ADGRA2: variants seen among roughly 807,000 people sequenced by gnomAD.
The protein encoded by ADGRA2 is adhesion G protein-coupled receptor A2.
In ADGRA2, 61 loss-of-function variants were observed where a neutral mutation model predicts 98.7. The ratio of observed to expected loss-of-function variants is 0.62; its 90% confidence interval spans 0.50 to 0.76. ADGRA2 has a LOEUF of 0.76. ADGRA2 is among the 30% of genes least tolerant of loss of function. The pLI is 0.00. For synonymous variants in ADGRA2, 858 were observed against 831.5 expected (o/e 1.03, Z -0.55); for missense variants, 1,712 against 1,860.0 (o/e 0.92, Z 1.46).
intron 7 of ADGRA2, among the ~76,000 whole-genome samples, 187 bp from the exon 8 acceptor site, chr8:37,831,236 T>C (rs1390169555): frequency 6.6e-6 from 1 of 152,076 alleles, no homozygotes; most frequent in Non-Finnish European, 1.5e-5. Flanking sequence ...ATGATAAGGA[T>C]GGGGAAATTG....
intron 1 of ADGRA2, among the ~76,000 whole-genome samples, chr8:37,804,484 A>G (rs1190128739): frequency 1.3e-5 from 2 of 152,206 alleles, no homozygotes; most frequent in African/African-American, 4.8e-5. Flanking sequence ...CCTGACCCCA[A>G]AAATAGTACT....
Position 37,830,393 on chromosome 8 carries a change from G to A in ADGRA2, c.719-317G>A, listed in dbSNP as rs1002651697. Reference sequence around the variant, plus strand: ...TCCTCCAGGGCATCCCCTTTCCCTCGGTGTCCCGGGGTCAGTCCTCCATCA... The same window carrying A: ...TCCTCCAGGGCATCCCCTTTCCCTCAGTGTCCCGGGGTCAGTCCTCCATCA... On this transcript the variant is annotated intron_variant, in intron 6 of 18. Transcript: ENST00000412232. The surrounding 1 kb of genome is among the most constrained non-coding windows in gnomAD (Gnocchi z 4.8). Among the ~76,000 whole-genome samples, 1 of 152,118 alleles carries A rather than the reference G, an allele frequency of 6.6e-6. No individual in the cohort carries two copies. The highest frequency in any genetic ancestry group is 6.5e-5 in the Admixed American group (1 of 15,280).
chr8:37,836,038 AACACACACACACACAC>A (rs58082798), intron 13 of ADGRA2, among the ~76,000 whole-genome samples: 13,429 of 124,554 alleles, frequency 0.11, 812 homozygotes, highest in East Asian at 0.23. Context: ...AGCCCCCTCC[AACACACACACACACAC>A]ACACACACAC....
chr8:37,800,038 C>A (rs1159065079), intron 1 of ADGRA2, among the ~76,000 whole-genome samples: 1 of 152,174 alleles, frequency 6.6e-6, no homozygotes, highest in African/African-American at 2.4e-5. Context: ...CCACACCCAC[C>A]CCAGGATGCA....
intron 1 of ADGRA2, among the ~76,000 whole-genome samples, chr8:37,808,867 CT>C (rs1465965481): frequency 6.6e-6 from 1 of 152,074 alleles, no homozygotes; most frequent in Non-Finnish European, 1.5e-5. Context: ...GCTGCCCAGG[CT>C]GGAGTACAGT....
chr8:37,837,653 G>T, intron 13 of ADGRA2, 78 bp from the exon 14 acceptor site: 1 of 1,213,558 alleles, frequency 8.2e-7, no homozygotes, highest in Non-Finnish European at 1.2e-6. Context: ...TGTCACTGCT[G>T]CTGCTGCTGA....
intron 1 of ADGRA2, among the ~76,000 whole-genome samples, chr8:37,803,696 G>T (rs1233341818): frequency 1.3e-5 from 2 of 152,030 alleles, no homozygotes. Context: ...AGCCTCCCAG[G>T]ACACTCTCAG....
chr8:37,832,978 G>C (rs1302318212), intron 8 of ADGRA2, 32 bp from the exon 9 acceptor site: 1 of 1,567,004 alleles, frequency 6.4e-7, no homozygotes, highest in South Asian at 1.1e-5. Context: ...GAGAAGCCCG[G>C]TTCATCGGCA....
In ADGRA2 at chr8:37,835,593, C is replaced by A. The variant is rs752568389; in HGVS notation, c.1873C>A (p.Leu625Ile). ...GGCCTCCATCCAGCTGCCCCCGAGT[C>A]TATTCTCATCCCTTCCGGCTGCCCT... ...ALASIQLPPS[L>I]FSSLPAALAP... is the part of the protein sequence containing the mutation. Residue 625 changes from leucine (L) to isoleucine (I), a missense_variant, in exon 13 of 19, where the codon CTA becomes ATA. Coordinates refer to ENST00000412232, the MANE Select transcript of ADGRA2 (RefSeq NM_032777.10). 1 of 1,613,736 alleles carries A rather than the reference C, an allele frequency of 6.2e-7. No individual in the cohort carries two copies. The highest frequency in any genetic ancestry group is 8.5e-7 in the Non-Finnish European group (1 of 1,179,682).
intron 1 of ADGRA2, among the ~76,000 whole-genome samples, chr8:37,811,175 T>TG (rs1431056532): frequency 0.2 from 27,257 of 136,692 alleles, 3,543 homozygotes; most frequent in Middle Eastern, 0.33. Flanking sequence ...TGTGTTTTTT[T>TG]TTTTTTTTTT....
At chr8:37,806,520 C>A (rs141492074) in intron 1 of ADGRA2, among the ~76,000 whole-genome samples, 3 of 85,532 alleles carry the variant, frequency 3.5e-5, no homozygotes, top group Admixed American at 1.1e-4. Flanking sequence ...TTTCTTTTTT[C>A]TTTTTCTTTT....
intron 8 of ADGRA2, among the ~76,000 whole-genome samples, chr8:37,832,024 C>T (rs965794160): frequency 6.6e-6 from 1 of 152,206 alleles, no homozygotes; most frequent in Non-Finnish European, 1.5e-5. Flanking sequence ...CACACCATTG[C>T]ACTCCAGCCT....
At chr8:37,805,763 T>G (rs1804640546) in intron 1 of ADGRA2, among the ~76,000 whole-genome samples, 1 of 151,768 alleles carries the variant, frequency 6.6e-6, no homozygotes, top group African/African-American at 2.4e-5. Context: ...CAGCTACTCA[T>G]GAGGCTGAGG....
Position 37,817,383 on chromosome 8 carries a change from GC to G in ADGRA2, c.338+2417del, listed in dbSNP as rs565128987. Among the ~76,000 whole-genome samples the G allele has an allele frequency of 9.4e-3, 1,434 of 152,256 alleles. 24 individuals are homozygous for G. The highest frequency in any genetic ancestry group is 0.033 in the African/African-American group (1,355 of 41,536). On this transcript the variant is annotated intron_variant, in intron 2 of 18. Coordinates refer to ENST00000412232, the MANE Select transcript of ADGRA2 (RefSeq NM_032777.10). The stretch of plus-strand genomic sequence containing the variant: ...GGCTCACAGACAGAGTGGTCCTGAT[GC>G]ACAGGAAGGGCTGCCACCAAGCTGC...
chr8:37,810,411 C>G (rs2129929040), intron 1 of ADGRA2, among the ~76,000 whole-genome samples: 1 of 152,002 alleles, frequency 6.6e-6, no homozygotes, highest in East Asian at 2.0e-4. Flanking sequence ...TGGGAGGCGG[C>G]AGTAGGAGAA....
At chr8:37,798,897 C>T (rs1399992408) in intron 1 of ADGRA2, among the ~76,000 whole-genome samples, 1 of 152,202 alleles carries the variant, frequency 6.6e-6, no homozygotes, top group East Asian at 1.9e-4. Context: ...CTCCCTGCTG[C>T]TCAGGGTAAG....
Position 37,834,871 on chromosome 8 carries a change from T to G in ADGRA2, c.1609-303T>G, listed in dbSNP as rs1168121323. Among the ~76,000 whole-genome samples the G allele has an allele frequency of 2.0e-5, 3 of 151,698 alleles. No homozygotes were observed. The highest frequency in any genetic ancestry group is 2.9e-5 in the Non-Finnish European group (2 of 67,888). On this transcript the variant is annotated intron_variant, in intron 11 of 18. Coordinates refer to ENST00000412232, the MANE Select transcript of ADGRA2 (RefSeq NM_032777.10). This position sits in a 1 kb window ranked among gnomAD's most constrained non-coding sequence, Gnocchi z 4.2. Reference sequence around the variant, plus strand: ...GTGAAACCCCATCTCTAAAAAAAAGTTTTTAATTAGATGGGCATGGTAGCA... The same window carrying G: ...GTGAAACCCCATCTCTAAAAAAAAGGTTTTAATTAGATGGGCATGGTAGCA...
intron 2 of ADGRA2, among the ~76,000 whole-genome samples, chr8:37,824,978 G>A (rs951308734): frequency 2.6e-5 from 4 of 152,062 alleles, no homozygotes; most frequent in Admixed American, 1.3e-4. Context: ...TCCCAACAAC[G>A]GCATAGGGCA....
chr8:37,810,143 TGGA>T, intron 1 of ADGRA2, among the ~76,000 whole-genome samples: 4 of 152,128 alleles, frequency 2.6e-5, no homozygotes, highest in Admixed American at 2.0e-4. Flanking sequence ...AATAACATTT[TGGA>T]TACATTGAGT....
Sources: gnomAD v4.1 joint callset for allele counts (sites outside exome capture counted in the v4.1 genomes callset) on GRCh38, gnomAD v4.1.1 for gene constraint, Gnocchi (gnomAD v3.1) non-coding constraint, MANE v1.5 for transcripts, NCBI Gene and HGNC (gene_info 2026-07-23, HGNC 2026-07-21) for gene names.